The following TOX variants were observed in gnomAD, a reference collection of about 807,000 sequenced individuals.
TOX encodes the protein thymocyte selection-associated high mobility group box protein TOX.
Under a neutral mutation model 53.7 loss-of-function variants are expected in TOX, and 11 were observed. The ratio of observed to expected loss-of-function variants is 0.20; its 90% confidence interval spans 0.13 to 0.34. The LOEUF (loss-of-function observed/expected upper bound fraction) is 0.34, where lower values mean the gene tolerates loss of function less well. TOX is among the 10% of genes least tolerant of loss of function. The pLI is 1.00. For missense variants in TOX, 570 were observed against 664.6 expected (o/e 0.86, Z 1.56); for synonymous variants, 225 against 245.3 (o/e 0.92, Z 0.77).
At chr8:58,893,217 C>CG (rs59469169) in intron 3 of TOX, among the ~76,000 whole-genome samples, 6 of 151,934 alleles carry the variant, frequency 3.9e-5, no homozygotes, top group African/African-American at 9.7e-5. Flanking sequence ...ATCTCCCCCC[C>CG]ACAAAACACA....
At chr8:58,818,329 T>C (rs1000198591) in intron 6 of TOX, among the ~76,000 whole-genome samples, 2 of 152,168 alleles carry the variant, frequency 1.3e-5, no homozygotes, top group Non-Finnish European at 2.9e-5. Flanking sequence ...ACTTGAAACA[T>C]AATTTTTAAC....
chr8:59,045,427 A>G (rs1041756796), intron 1 of TOX, among the ~76,000 whole-genome samples: 2 of 152,210 alleles, frequency 1.3e-5, no homozygotes, highest in African/African-American at 4.8e-5. Flanking sequence ...AAGTCTTGTA[A>G]CTGGTGCAAA....
At position 58,851,551 on chromosome 8, in the gene TOX, A is replaced by G; in HGVS notation, c.666T>C (p.His222=). ...SATPSPSSSV[H]EDEGDDTSKI... ...TAGAGGTATCATCGCCTTCATCTTC[A>G]TGCACTGAACTGGATGGTGAAGGAG... is the stretch of plus-strand genomic sequence containing the variant. Residue 222 remains histidine (H), a synonymous_variant, in exon 4 of 9, where the codon CAT becomes CAC. Coordinates refer to ENST00000361421, the MANE Select transcript of TOX (RefSeq NM_014729.3). This position sits in a 1 kb window ranked among gnomAD's most constrained non-coding sequence, Gnocchi z 4.4. The G allele has an allele frequency of 6.2e-7, 1 of 1,613,276 alleles. No individual in the cohort carries two copies. Among genetic ancestry groups the G allele is most frequent in the Non-Finnish European group, 8.5e-7 (1 of 1,179,668 alleles).
At chr8:59,091,427 T>G (rs996536052) in intron 1 of TOX, among the ~76,000 whole-genome samples, 7 of 152,020 alleles carry the variant, frequency 4.6e-5, no homozygotes, top group Non-Finnish European at 8.8e-5. Flanking sequence ...TTTTCAGGGG[T>G]CTCTTCCTCT....
At chr8:58,883,835 T>C (rs1232977973) in intron 3 of TOX, among the ~76,000 whole-genome samples, 2 of 152,164 alleles carry the variant, frequency 1.3e-5, no homozygotes, top group Non-Finnish European at 2.9e-5. Context: ...AAATAATTGG[T>C]ATCTTTCCAC....
chr8:59,075,228 G>A (rs1405907022), intron 1 of TOX, among the ~76,000 whole-genome samples: 1 of 152,198 alleles, frequency 6.6e-6, no homozygotes, highest in East Asian at 1.9e-4. Context: ...GAAAACATCT[G>A]TGATGGGGTT....
chr8:58,976,974 A>ACT (rs1813112419), intron 1 of TOX, among the ~76,000 whole-genome samples: 2 of 152,352 alleles, frequency 1.3e-5, no homozygotes, highest in East Asian at 3.9e-4. Flanking sequence ...AGAATGGTAA[A>ACT]TGAACACTGG....
At chr8:58,948,480 T>G (rs954899739) in intron 2 of TOX, among the ~76,000 whole-genome samples, 2 of 152,098 alleles carry the variant, frequency 1.3e-5, no homozygotes, top group African/African-American at 4.8e-5. Flanking sequence ...TAAGGGCCTC[T>G]CCTTTGGCTA....
intron 1 of TOX, among the ~76,000 whole-genome samples, chr8:59,077,027 A>G (rs1248457884): frequency 6.6e-6 from 1 of 152,190 alleles, no homozygotes; most frequent in Non-Finnish European, 1.5e-5. Flanking sequence ...TTCTCATTTT[A>G]CTGAAAATAT....
At chr8:58,837,395 G>T (rs1209753392) in intron 5 of TOX, among the ~76,000 whole-genome samples, 2 of 152,096 alleles carry the variant, frequency 1.3e-5, no homozygotes, top group African/African-American at 2.4e-5. Context: ...CTTTGCTTAG[G>T]TTGGCTCCAT....
At chr8:58,829,275 CAT>C (rs1042931506) in intron 5 of TOX, among the ~76,000 whole-genome samples, 41 of 152,270 alleles carry the variant, frequency 2.7e-4, no homozygotes, top group African/African-American at 9.1e-4. Flanking sequence ...GCTAACTCCA[CAT>C]GTTTCAGGCT....
Position 58,815,611 on chromosome 8 carries a change from G to C in TOX, c.1119C>G (p.Ser373=). 1.9e-6 allele frequency: 3 copies of C among 1,614,136 alleles called. No homozygotes were observed. The highest frequency in any genetic ancestry group is 2.5e-6 in the Non-Finnish European group (3 of 1,180,034). Residue 373 remains serine, a synonymous_variant, in exon 7 of 9, where the codon TCC becomes TCG. Transcript: ENST00000361421. ...SQAHSALYLS[S]HYHQQPGMNP... is the part of the protein sequence containing the mutation. ...TCATTCCCGGTTGTTGGTGATAGTGGGAACTTAGGTACAGGGCCGAGTGGG... is the reference window on the plus strand; with the variant it reads ...TCATTCCCGGTTGTTGGTGATAGTGCGAACTTAGGTACAGGGCCGAGTGGG...
chr8:58,942,633 G>T (rs933826363), intron 2 of TOX, among the ~76,000 whole-genome samples: 6 of 152,160 alleles, frequency 3.9e-5, no homozygotes, highest in Non-Finnish European at 7.3e-5. Flanking sequence ...ATGTGGAAAT[G>T]AATTTGCTAA....
Position 58,815,592 on chromosome 8 carries a change from C to T in TOX, c.1138G>A (p.Gly380Arg), listed in dbSNP as rs773680615. ...YLSSHYHQQP[G>R]MNPHLTAMHP... ...ATGGCAGTTAGGTGAGGATTCATTC[C>T]CGGTTGTTGGTGATAGTGGGAACTT... The change falls in exon 7 of 9, where the codon GGA (glycine) becomes AGA (arginine). Residue 380 changes from glycine (G) to arginine (R), a missense_variant. Physicochemically the swap from Gly to Arg is moderately radical, Grantham distance 125. This residue lies in a region of TOX where 239 missense variants were observed against 250.7 expected (regional missense o/e 0.95). Coordinates refer to ENST00000361421, the MANE Select transcript of TOX (RefSeq NM_014729.3). The T allele has an allele frequency of 8.1e-6, 13 of 1,613,940 alleles. No individual in the cohort carries two copies. In the Admixed American group the frequency reaches 2.0e-4, roughly 25 times the overall value.
intron 3 of TOX, among the ~76,000 whole-genome samples, chr8:58,884,580 A>C (rs2129171234): frequency 6.6e-6 from 1 of 152,262 alleles, no homozygotes; most frequent in Non-Finnish European, 1.5e-5. Context: ...TGGTGCTTCT[A>C]CCCAAATTGT....
intron 3 of TOX, among the ~76,000 whole-genome samples, chr8:58,905,630 T>G (rs1811800076): frequency 6.6e-6 from 1 of 152,308 alleles, no homozygotes; most frequent in East Asian, 1.9e-4. Context: ...GAATTTACTT[T>G]TTGTGCTATA....
intron 3 of TOX, among the ~76,000 whole-genome samples, chr8:58,867,528 C>T (rs548919384): frequency 1.5e-4 from 23 of 152,322 alleles, no homozygotes; most frequent in Admixed American, 3.3e-4. Flanking sequence ...GTAGATCCAT[C>T]CTTCCTAACC....
At chr8:59,080,585 T>G (rs1586007419) in intron 1 of TOX, among the ~76,000 whole-genome samples, 1 of 152,212 alleles carries the variant, frequency 6.6e-6, no homozygotes, top group Non-Finnish European at 1.5e-5. Flanking sequence ...ACCCAAATCT[T>G]ATGTTGAATT....
chr8:59,088,597 C>T (rs575361484), intron 1 of TOX, among the ~76,000 whole-genome samples: 1 of 152,326 alleles, frequency 6.6e-6, no homozygotes, highest in South Asian at 2.1e-4. Context: ...AATAGATTAA[C>T]AAGCCCCGGG....
Sources: allele counts gnomAD v4.1 joint callset (sites outside exome capture counted in the v4.1 genomes callset), GRCh38; gene constraint gnomAD v4.1.1; regional missense constraint gnomAD v4.1.1; non-coding constraint Gnocchi (gnomAD v3.1); transcripts MANE v1.5; gene names NCBI Gene and HGNC (gene_info 2026-07-23, HGNC 2026-07-21).